Variants in NBN observed in about 807,000 individuals in gnomAD.
The protein encoded by NBN is Nijmegen breakage syndrome 1 (nibrin).
NBN carries 88 observed loss-of-function variants against 90.8 expected under a neutral mutation model. That is an observed-to-expected ratio of 0.97 (90% CI 0.82 to 1.16). The LOEUF (loss-of-function observed/expected upper bound fraction) is 1.16. Among genes scored for constraint, NBN ranks in the 50% most tolerant of loss-of-function variants. The probability of loss-of-function intolerance (pLI) is 0.00; values close to 1 mark genes in which losing one functional copy is unlikely to be tolerated. For synonymous variants in NBN, 328 were observed against 295.1 expected (o/e 1.11, Z -1.14); for missense variants, 894 against 869.6 (o/e 1.03, Z -0.35).
intron 5 of NBN, among the ~76,000 whole-genome samples, chr8:89,974,147 T>C (rs542100547): frequency 2.6e-5 from 4 of 152,134 alleles, no homozygotes; most frequent in Non-Finnish European, 5.9e-5. Context: ...CTAGAAACTG[T>C]ATCCCAAGCC....
chr8:89,974,253 T>C (rs937043230), intron 5 of NBN, among the ~76,000 whole-genome samples: 2 of 146,554 alleles, frequency 1.4e-5, no homozygotes, highest in African/African-American at 5.0e-5. Context: ...CTATATGGCT[T>C]TTTTTTTTTT....
chr8:89,950,310 A>T (rs941067415), intron 11 of NBN, among the ~76,000 whole-genome samples: 11 of 152,216 alleles, frequency 7.2e-5, no homozygotes, highest in Non-Finnish European at 1.6e-4. Flanking sequence ...CATATAACCT[A>T]GGCACATCCT....
In NBN at chr8:89,982,834, G is replaced by C; in HGVS notation, c.59C>G (p.Thr20Ser). The C allele has an allele frequency of 6.2e-7, 1 of 1,613,476 alleles. No individual in the cohort carries two copies. Among genetic ancestry groups the C allele is most frequent in the Admixed American group, 1.7e-5 (1 of 60,016 alleles). The change falls in exon 2 of 16, where the codon ACT (threonine) becomes AGT (serine). Residue 20 changes from threonine to serine, a missense_variant. Transcript: ENST00000265433. ...CCTTCCAACAACGTACTCAACGCCA[G>C]TCAAAAGTCTGTATGGTTCTCCTGA... is the stretch of plus-strand genomic sequence containing the variant. ...PAGGEPYRLL[T>S]GVEYVVGRKN...
chr8:89,950,706 C>T (rs1810405973), intron 11 of NBN, among the ~76,000 whole-genome samples: 1 of 151,832 alleles, frequency 6.6e-6, no homozygotes, highest in African/African-American at 2.4e-5. Flanking sequence ...TATATTTCCT[C>T]ATATCGTTAT....
At chr8:89,964,380 A>G (rs199719307) in intron 8 of NBN, 30 bp downstream of exon 8, 2 of 1,611,792 alleles carry the variant, frequency 1.2e-6, no homozygotes, top group East Asian at 4.5e-5. Context: ...TAAAGTTGCT[A>G]ACGAATCAAT....
chr8:89,944,459 C>T (rs773529484), intron 13 of NBN, among the ~76,000 whole-genome samples: 9 of 152,140 alleles, frequency 5.9e-5, no homozygotes, highest in Non-Finnish European at 8.8e-5. Flanking sequence ...AAGGACAATC[C>T]GCCACAGTGT....
At position 89,982,833 on chromosome 8, in the gene NBN, A is replaced by T; in HGVS notation, c.60T>A (p.Thr20=). ...PAGGEPYRLL[T]GVEYVVGRKN... is the part of the protein sequence containing the mutation. Reference sequence around the variant, plus strand: ...TCCTTCCAACAACGTACTCAACGCCAGTCAAAAGTCTGTATGGTTCTCCTG... The same window carrying T: ...TCCTTCCAACAACGTACTCAACGCCTGTCAAAAGTCTGTATGGTTCTCCTG... The change falls in exon 2 of 16, where the codon ACT becomes ACA. Residue 20 remains threonine, a synonymous_variant. Coordinates refer to ENST00000265433, the MANE Select transcript of NBN (RefSeq NM_002485.5). The T allele has an allele frequency of 6.2e-7, 1 of 1,613,666 alleles. No homozygotes were observed. The highest frequency in any genetic ancestry group is 1.1e-5 in the South Asian group (1 of 91,078).
Position 89,984,550 on chromosome 8 carries a change from CA to C in NBN, c.11del (p.Leu4ArgfsTer16), listed in dbSNP as rs1064793210. The C allele has an allele frequency of 3.7e-6, 6 of 1,613,064 alleles. No individual in the cohort carries two copies. In the African/African-American group the frequency reaches 8.0e-5, roughly 22 times the overall value. On this transcript the variant is annotated frameshift_variant, in exon 1 of 16. Coordinates refer to ENST00000265433, the MANE Select transcript of NBN (RefSeq NM_002485.5). LOFTEE classifies it high-confidence loss of function. ...CTCCTGCCGGGCCCGCGGCGGGCAG[CA>C]GTTTCCACATCGGTCCGGCTCCTCA... MWK[L>X]LPAAGPAGGE...
chr8:89,958,263 A>G (rs188667849), intron 9 of NBN, among the ~76,000 whole-genome samples: 240 of 152,312 alleles, frequency 1.6e-3, no homozygotes, highest in South Asian at 3.9e-3. Context: ...GGTTCCTAAC[A>G]GGTGATGGAC....
chr8:89,984,502 C>G, intron 1 of NBN, 23 bp downstream of exon 1: 1 of 1,608,686 alleles, frequency 6.2e-7, no homozygotes, highest in Non-Finnish European at 8.5e-7. Flanking sequence ...AAATAGGCCC[C>G]GAGGCTTCCC....
chr8:89,955,319 G>C lies in NBN; in HGVS notation c.1361C>G (p.Ser454Cys), dbSNP rs587780774. The C allele has an allele frequency of 1.2e-6, 2 of 1,613,794 alleles. No individual in the cohort carries two copies. The part of the protein sequence containing the change: ...DRASQQQQTN[S>C]IRNYFQPSTK... ...AGACGGCTGAAAGTAGTTTCTGATGGAGTTGGTCTGCTGCTGCTGAGAAGC... is the reference window on the plus strand; with the variant it reads ...AGACGGCTGAAAGTAGTTTCTGATGCAGTTGGTCTGCTGCTGCTGAGAAGC... The change falls in exon 10 of 16, where the codon TCC becomes TGC. Residue 454 changes from serine (S) to cysteine (C), a missense_variant. Coordinates refer to ENST00000265433, the MANE Select transcript of NBN (RefSeq NM_002485.5).
chr8:89,940,285 T>C (rs372760728), intron 14 of NBN, among the ~76,000 whole-genome samples: 1 of 151,972 alleles, frequency 6.6e-6, no homozygotes, highest in Admixed American at 6.6e-5. Context: ...GTTTGTTTAA[T>C]TTTCATTTAT....
intron 14 of NBN, among the ~76,000 whole-genome samples, chr8:89,939,027 CTGAGA>C (rs576699613): frequency 3.3e-5 from 5 of 152,072 alleles, no homozygotes; most frequent in Non-Finnish European, 7.3e-5. Context: ...TTTCAGAGGT[CTGAGA>C]TAACTACTAC....
rs13312950 is a variant in NBN, at chr8:89,944,226, G to A, written c.2071-860C>T. ...TCTTCTCTAAGCAATTTAGAAGGGG[G>A]CAAAGACCAACCGGTGACCATCAAA... is the stretch of plus-strand genomic sequence containing the variant. On this transcript the variant is annotated intron_variant, in intron 13 of 15. Coordinates refer to ENST00000265433, the MANE Select transcript of NBN (RefSeq NM_002485.5). Among the ~76,000 whole-genome samples, 847 of 152,242 alleles carry A rather than the reference G, an allele frequency of 5.6e-3. 9 individuals are homozygous for A. The highest frequency in any genetic ancestry group is 6.0e-3 in the Non-Finnish European group (410 of 68,018).
In NBN at chr8:89,943,370, T is replaced by C. The variant is rs746994234; in HGVS notation, c.2071-4A>G. 4.9e-5 allele frequency: 78 copies of C among 1,600,652 alleles called. No homozygotes were observed. Among genetic ancestry groups the C allele is most frequent in the Non-Finnish European group, 6.4e-5 (75 of 1,168,144 alleles). On this transcript the variant is annotated splice_region_variant and splice_polypyrimidine_tract_variant and intron_variant, in intron 13 of 15. Coordinates refer to ENST00000265433, the MANE Select transcript of NBN (RefSeq NM_002485.5). ...TTCCTGCTCCAGGATATGTGACCTA[T>C]TGAATAATAAAAGTAGTACAGTAAA...
At chr8:89,959,304 C>T (rs1685307014) in intron 8 of NBN, among the ~76,000 whole-genome samples, 1 of 152,180 alleles carries the variant, frequency 6.6e-6, no homozygotes, top group Admixed American at 6.5e-5. Context: ...AAACTTCTGG[C>T]TACTCCAGAA....
chr8:89,969,293 T>C (rs939655787), intron 7 of NBN, among the ~76,000 whole-genome samples: 16 of 152,242 alleles, frequency 1.1e-4, no homozygotes, highest in African/African-American at 3.6e-4. Context: ...CCCTCCACTC[T>C]ACAAACATCA....
rs757186245 is a variant in NBN, at chr8:89,971,274, C to T, written c.601G>A (p.Asp201Asn). Residue 201 changes from aspartate (D) to asparagine (N), a missense_variant, in exon 6 of 16, where the codon GAT (aspartate) becomes AAT (asparagine). Transcript: ENST00000265433. Reference sequence around the variant, plus strand: ...TTTTTACTTCCAATAGATGGTTCATCAAGAGGTGGGTAAAAACTGTAAAAA... The same window carrying T: ...TTTTTACTTCCAATAGATGGTTCATTAAGAGGTGGGTAAAAACTGTAAAAA... Reference protein sequence around the residue: ...PQIESFYPPLDEPSIGSKNVD... With the variant: ...PQIESFYPPLNEPSIGSKNVD... 1.2e-6 allele frequency: 2 copies of T among 1,612,196 alleles called. No homozygotes were observed. Among genetic ancestry groups the T allele is most frequent in the East Asian group, 2.2e-5 (1 of 44,760 alleles).
intron 5 of NBN, among the ~76,000 whole-genome samples, chr8:89,977,674 A>C (rs574307835): frequency 6.6e-6 from 1 of 152,280 alleles, no homozygotes; most frequent in Admixed American, 6.5e-5. Context: ...TGGTTGAACT[A>C]ATTTACACCC....
Sources: allele counts gnomAD v4.1 joint callset (sites outside exome capture counted in the v4.1 genomes callset), GRCh38; gene constraint gnomAD v4.1.1; transcripts MANE v1.5; gene names NCBI Gene and HGNC (gene_info 2026-07-23, HGNC 2026-07-21).